The following CNOT6 variants were observed in gnomAD, a reference collection of about 807,000 sequenced individuals.
CNOT6 encodes the protein CCR4-NOT transcription complex subunit 6, also known as carbon catabolite repression 4 protein.
A neutral mutation model predicts 61.2 loss-of-function variants in CNOT6; 12 were observed. That is an observed-to-expected ratio of 0.20 (90% CI 0.13 to 0.32). CNOT6 has a LOEUF of 0.32. Among genes scored for constraint, CNOT6 ranks in the 10% least tolerant of loss-of-function variants. The pLI is 1.00. For missense variants in CNOT6, 405 were observed against 663.9 expected (o/e 0.61, Z 4.28); for synonymous variants, 225 against 240.6 (o/e 0.94, Z 0.60).
chr5:180,539,083 G>C (rs1581523580), intron 2 of CNOT6, among the ~76,000 whole-genome samples: 1 of 150,130 alleles, frequency 6.7e-6, no homozygotes, highest in East Asian at 2.0e-4. Context: ...GCTGAGGCAG[G>C]AGAATTTGTT....
chr5:180,499,419 T>A (rs1756765994), intron 1 of CNOT6, among the ~76,000 whole-genome samples: 1 of 152,204 alleles, frequency 6.6e-6, no homozygotes, highest in Non-Finnish European at 1.5e-5. Flanking sequence ...ATATGGGTTG[T>A]AAACATTTTG....
intron 1 of CNOT6, among the ~76,000 whole-genome samples, chr5:180,497,092 C>T (rs960452966): frequency 1.3e-5 from 2 of 152,140 alleles, no homozygotes; most frequent in African/African-American, 4.8e-5. Flanking sequence ...CTTTCGGAGG[C>T]CGAGATGGGT....
chr5:180,552,466 C>T (rs1302661304), intron 3 of CNOT6, among the ~76,000 whole-genome samples: 2 of 151,490 alleles, frequency 1.3e-5, no homozygotes, highest in Non-Finnish European at 2.9e-5. Flanking sequence ...ACGGTGAAAC[C>T]CCGTCTCTAC....
intron 1 of CNOT6, among the ~76,000 whole-genome samples, chr5:180,506,158 C>T (rs2127696942): frequency 6.6e-6 from 1 of 152,274 alleles, no homozygotes; most frequent in East Asian, 1.9e-4. Flanking sequence ...AATTCAGTTA[C>T]TAAGTGTGCA....
At position 180,576,371 on chromosome 5, in the gene CNOT6, A is replaced by G. The variant is rs1295067787; in HGVS notation, c.*2171A>G. On this transcript the variant is annotated 3_prime_UTR_variant, in exon 12 of 12. Coordinates refer to ENST00000261951, the MANE Select transcript of CNOT6 (RefSeq NM_001370472.1). ...GCACTTACTCATGTTGTATTTGTTA[A>G]TGGAGGATGTCATCTTTTCATAGAT... The G allele has an allele frequency of 6.6e-6, 1 of 152,624 alleles. No individual in the cohort carries two copies. Among genetic ancestry groups the G allele is most frequent in the Non-Finnish European group, 1.5e-5 (1 of 68,052 alleles). 9.5% of individuals were successfully genotyped at this position (152,624 alleles called of 1,614,324 possible).
intron 4 of CNOT6, among the ~76,000 whole-genome samples, chr5:180,554,819 G>T (rs1759799463): frequency 6.6e-6 from 1 of 152,134 alleles, no homozygotes; most frequent in Non-Finnish European, 1.5e-5. Flanking sequence ...TAATGCAAAA[G>T]AAATGGAACA....
Position 180,577,713 on chromosome 5 carries a change from G to A in CNOT6, c.*3513G>A, listed in dbSNP as rs956431305. On this transcript the variant is annotated 3_prime_UTR_variant, in exon 12 of 12. Transcript: ENST00000261951. Reference sequence around the variant, plus strand: ...GGACTAACTCTTGTTTACCATTCATGTAACAAAACCCAGCACATTATCTGC... The same window carrying A: ...GGACTAACTCTTGTTTACCATTCATATAACAAAACCCAGCACATTATCTGC... 1.3e-5 allele frequency: 2 copies of A among 152,590 alleles called. No individual in the cohort carries two copies. The highest frequency in any genetic ancestry group is 4.8e-5 in the African/African-American group (2 of 41,440). The allele number at this position is 152,590 out of a possible 1,614,324, so 9.5% of individuals were successfully genotyped here.
chr5:180,552,560 G>A (rs1367033070), intron 3 of CNOT6, among the ~76,000 whole-genome samples: 1 of 151,784 alleles, frequency 6.6e-6, no homozygotes, highest in African/African-American at 2.4e-5. Context: ...GCAGGAGAAT[G>A]GCGTGAACCC....
intron 1 of CNOT6, among the ~76,000 whole-genome samples, chr5:180,513,870 A>AT (rs1283229989): frequency 6.6e-6 from 1 of 151,126 alleles, no homozygotes; most frequent in Non-Finnish European, 1.5e-5. Context: ...CGCCCGGCTA[A>AT]TTTTTTGTAT....
At chr5:180,526,132 G>A (rs2127717948) in intron 1 of CNOT6, among the ~76,000 whole-genome samples, 1 of 152,258 alleles carries the variant, frequency 6.6e-6, no homozygotes, top group Non-Finnish European at 1.5e-5. Flanking sequence ...TTGGTGAAAG[G>A]TTGAAAACAC....
intron 4 of CNOT6, among the ~76,000 whole-genome samples, chr5:180,554,033 G>A (rs916093555): frequency 1.3e-5 from 2 of 152,184 alleles, no homozygotes; most frequent in Admixed American, 1.3e-4. Context: ...TTTTTATCAT[G>A]TTAAGCAGTT....
chr5:180,511,154 A>G (rs568808511), intron 1 of CNOT6, among the ~76,000 whole-genome samples: 10 of 151,690 alleles, frequency 6.6e-5, no homozygotes, highest in African/African-American at 1.7e-4. Flanking sequence ...CTTTCTTTGG[A>G]TAATTCCTTT....
At chr5:180,507,409 G>T (rs1290655837) in intron 1 of CNOT6, among the ~76,000 whole-genome samples, 1 of 152,134 alleles carries the variant, frequency 6.6e-6, no homozygotes, top group African/African-American at 2.4e-5. Flanking sequence ...AGACTAGCCT[G>T]GCCAACCTGG....
Position 180,574,502 on chromosome 5 carries a change from A to C in CNOT6, c.*302A>C. ...TATTTTCATGCCTGGAAATAGGAAAATGTGTGAACAGCGTATTCTCTTCAC... is the reference window on the plus strand; with the variant it reads ...TATTTTCATGCCTGGAAATAGGAAACTGTGTGAACAGCGTATTCTCTTCAC... On this transcript the variant is annotated 3_prime_UTR_variant, in exon 12 of 12. Coordinates refer to ENST00000261951, the MANE Select transcript of CNOT6 (RefSeq NM_001370472.1). The C allele has an allele frequency of 2.4e-6, 1 of 416,982 alleles. No individual in the cohort carries two copies. The highest frequency in any genetic ancestry group is 5.1e-5 in the East Asian group (1 of 19,612). 25.8% of individuals were successfully genotyped at this position (416,982 alleles called of 1,614,324 possible). A position where few individuals can be genotyped will look rare whatever the true frequency, so the allele number is the denominator to read the frequency against.
chr5:180,538,696 A>ATATG (rs1758850345), intron 2 of CNOT6, among the ~76,000 whole-genome samples: 1 of 16,342 alleles, frequency 6.1e-5, no homozygotes, highest in Non-Finnish European at 2.5e-4. Flanking sequence ...GTATATATAT[A>ATATG]TATATATATA....
At chr5:180,557,712 G>GT (rs1289499872) in intron 4 of CNOT6, among the ~76,000 whole-genome samples, 1 of 152,156 alleles carries the variant, frequency 6.6e-6, no homozygotes, top group Non-Finnish European at 1.5e-5. Context: ...ATGAAGCCCA[G>GT]TTTATCAGTT....
chr5:180,550,080 A>T lies in CNOT6; in HGVS notation c.262A>T (p.Ser88Cys), dbSNP rs375846017. The T allele has an allele frequency of 5.0e-6, 8 of 1,614,092 alleles. No homozygotes were observed. The highest frequency in any genetic ancestry group is 6.8e-6 in the Non-Finnish European group (8 of 1,179,974). ...GGACCTGTCATCTAATAAAATTCGT[A>T]GCTTACCCGCAGAACTCGGAAACAT... is the stretch of plus-strand genomic sequence containing the variant. ...YLDLSSNKIR[S>C]LPAELGNMVS... The change falls in exon 3 of 12, where the codon AGC becomes TGC. Residue 88 changes from serine (S) to cysteine (C), a missense_variant. Transcript: ENST00000261951.
intron 11 of CNOT6, 55 bp downstream of exon 11, chr5:180,571,487 T>C: frequency 8.1e-7 from 1 of 1,239,356 alleles, no homozygotes; most frequent in Non-Finnish European, 1.2e-6. Flanking sequence ...GCAGGTGTTC[T>C]GATACATCAT....
chr5:180,502,645 CTG>C (rs1332474974), intron 1 of CNOT6, among the ~76,000 whole-genome samples: 1 of 151,940 alleles, frequency 6.6e-6, no homozygotes, highest in African/African-American at 2.4e-5. Context: ...GCCAGTGGCT[CTG>C]TGTATCCAAA....
Sources: gnomAD v4.1 joint callset for allele counts (sites outside exome capture counted in the v4.1 genomes callset) on GRCh38, gnomAD v4.1.1 for gene constraint, MANE v1.5 for transcripts, NCBI Gene and HGNC (gene_info 2026-07-23, HGNC 2026-07-21) for gene names.